KDM4C: variants seen among roughly 807,000 people sequenced by gnomAD.
KDM4C encodes lysine-specific demethylase 4C.
A neutral mutation model predicts 129.3 loss-of-function variants in KDM4C; 81 were observed. The observed-to-expected ratio is 0.63, with a 90% CI of 0.52 to 0.75. The LOEUF is 0.75. Ranked by LOEUF, KDM4C falls within the 30% of genes least tolerant of loss-of-function variation. The probability of loss-of-function intolerance (pLI) is 0.00; values close to 1 mark genes in which losing one functional copy is unlikely to be tolerated. For missense variants in KDM4C, 1,457 were observed against 1,304.0 expected (o/e 1.12, Z -1.81); for synonymous variants, 573 against 456.1 (o/e 1.26, Z -3.26).
chr9:6,796,308 G>C (rs572824813), intron 2 of KDM4C, among the ~76,000 whole-genome samples: 1 of 152,294 alleles, frequency 6.6e-6, no homozygotes, highest in Non-Finnish European at 1.5e-5. Context: ...AGCCGGGCTT[G>C]GAGGTGGGCG....
intron 2 of KDM4C, among the ~76,000 whole-genome samples, chr9:6,805,184 C>T (rs773353163): frequency 6.6e-6 from 1 of 152,326 alleles, no homozygotes; most frequent in Non-Finnish European, 1.5e-5. Flanking sequence ...CAGGTGTGTG[C>T]CACTGCGCCC....
At chr9:7,133,851 C>T (rs1246561073) in intron 19 of KDM4C, among the ~76,000 whole-genome samples, 1 of 152,154 alleles carries the variant, frequency 6.6e-6, no homozygotes, top group Admixed American at 6.5e-5. Context: ...GAGTTGTTCC[C>T]AGAAACGTTC....
chr9:7,166,458 ATGTGTGTC>A (rs991190943), intron 20 of KDM4C, among the ~76,000 whole-genome samples: 2 of 20,500 alleles, frequency 9.8e-5, no homozygotes, highest in Admixed American at 3.6e-4. Flanking sequence ...GTATGTGTGT[ATGTGTGTC>A]TGTGTGTGTA....
At chr9:6,806,252 T>G (rs867793321) in intron 3 of KDM4C, among the ~76,000 whole-genome samples, 1 of 152,148 alleles carries the variant, frequency 6.6e-6, no homozygotes, top group Non-Finnish European at 1.5e-5. Context: ...CCCAGTACTT[T>G]GGGAGGCCAA....
chr9:6,723,268 G>A lies in KDM4C; in HGVS notation c.49+2271G>A, dbSNP rs1205191296. Among the ~76,000 whole-genome samples, 37 of 151,988 alleles carry A rather than the reference G, an allele frequency of 2.4e-4. 1 individual carries two copies. Among genetic ancestry groups the A allele is most frequent in the Admixed American group, 2.4e-3 (37 of 15,242 alleles). ...TGGGCGACTGTAATCCCAGCTACTC[G>A]GGAGGCTGAGGTATGAGAATTCCTT... On this transcript the variant is annotated intron_variant, in intron 1 of 17. Transcript: ENST00000536108.
chr9:6,765,897 C>A (rs181378503), intron 1 of KDM4C, among the ~76,000 whole-genome samples: 33 of 152,030 alleles, frequency 2.2e-4, no homozygotes, highest in African/African-American at 7.7e-4. Context: ...CAAGCTATTC[C>A]CCTGCCTCAG....
intron 1 of KDM4C, among the ~76,000 whole-genome samples, chr9:6,760,445 G>GTGTATATATATATATATA (rs139577101): frequency 3.9e-4 from 56 of 142,528 alleles, no homozygotes; most frequent in African/African-American, 1.4e-3. Context: ...CTACTCTTGG[G>GTGTATATATATATATATA]TATATATATA....
intron 1 of KDM4C, among the ~76,000 whole-genome samples, chr9:6,778,208 A>G (rs553234986): frequency 1.3e-5 from 2 of 151,058 alleles, no homozygotes; most frequent in South Asian, 4.2e-4. Context: ...TCCTGCCTCA[A>G]CCTTCTGAGT....
intron 19 of KDM4C, among the ~76,000 whole-genome samples, chr9:7,131,588 G>T (rs1466914223): frequency 6.6e-6 from 1 of 152,138 alleles, no homozygotes; most frequent in Admixed American, 6.5e-5. Context: ...AAAGTGCTGG[G>T]ATTACAGGCA....
At chr9:7,028,760 C>T (rs796621490) in intron 15 of KDM4C, among the ~76,000 whole-genome samples, 12 of 152,196 alleles carry the variant, frequency 7.9e-5, no homozygotes, top group African/African-American at 2.4e-4. Flanking sequence ...TGTGATCTCC[C>T]TCTGACGTGG....
intron 12 of KDM4C, among the ~76,000 whole-genome samples, chr9:7,010,571 G>T (rs1822502114): frequency 6.6e-6 from 1 of 152,210 alleles, no homozygotes; most frequent in Admixed American, 6.5e-5. Context: ...TACTTATGCA[G>T]ATATTTAGAA....
At chr9:6,798,263 T>C (rs1455820682) in intron 2 of KDM4C, among the ~76,000 whole-genome samples, 2 of 152,056 alleles carry the variant, frequency 1.3e-5, no homozygotes, top group East Asian at 3.9e-4. Flanking sequence ...TTTCTTTTTT[T>C]TTTTTTTATT....
intron 5 of KDM4C, among the ~76,000 whole-genome samples, chr9:6,864,050 G>A (rs575063401): frequency 6.6e-6 from 1 of 152,310 alleles, no homozygotes; most frequent in South Asian, 2.1e-4. Flanking sequence ...CAGTAATAGA[G>A]TATTCTGAAT....
intron 19 of KDM4C, among the ~76,000 whole-genome samples, chr9:7,141,394 T>G (rs1841728715): frequency 6.6e-6 from 1 of 152,200 alleles, no homozygotes; most frequent in Admixed American, 6.5e-5. Context: ...TAAGGTGGGT[T>G]GGACAAGCTT....
chr9:6,793,187 G>T (rs1216250307), intron 2 of KDM4C, 55 bp downstream of exon 2: 1 of 1,570,482 alleles, frequency 6.4e-7, no homozygotes, highest in Non-Finnish European at 8.7e-7. Context: ...TTTAATTTAT[G>T]TTCTTAGTTT....
chr9:7,041,367 A>G (rs1459663041), intron 15 of KDM4C, among the ~76,000 whole-genome samples: 1 of 151,958 alleles, frequency 6.6e-6, no homozygotes, highest in Non-Finnish European at 1.5e-5. Context: ...GCATCTCTGG[A>G]TTTTGGTATC....
At position 6,773,264 on chromosome 9, in the gene KDM4C, T is replaced by C. The variant is rs1725670719; in HGVS notation, c.-18+15061T>C. ...CGATCCTCCTGCCTCAGCCTTCCAT[T>C]GTGCTGGAGTTACAGGCTGTGCCCA... On this transcript the variant is annotated intron_variant, in intron 1 of 21. Coordinates refer to ENST00000381309, the MANE Select transcript of KDM4C (RefSeq NM_015061.6). 2.0e-5 allele frequency among the ~76,000 whole-genome samples: 3 copies of C among 152,292 alleles called. No individual in the cohort carries two copies. The South Asian group carries it at 6.2e-4, about 32-fold the overall frequency.
chr9:6,941,871 G>C (rs543213176), intron 8 of KDM4C: 1 of 152,262 alleles, frequency 6.6e-6, no homozygotes, highest in Non-Finnish European at 1.5e-5. Context: ...TCTCTTGTGT[G>C]TGTGTATATG....
intron 5 of KDM4C, among the ~76,000 whole-genome samples, chr9:6,873,916 G>A (rs917247391): frequency 7.1e-6 from 1 of 140,574 alleles, no homozygotes; most frequent in Non-Finnish European, 1.6e-5. Context: ...GAGAGAGAGC[G>A]AGAGAGAGAG....
Sources: gnomAD v4.1 joint callset for allele counts (sites outside exome capture counted in the v4.1 genomes callset) on GRCh38, gnomAD v4.1.1 for gene constraint, MANE v1.5 for transcripts, NCBI Gene and HGNC (gene_info 2026-07-23, HGNC 2026-07-21) for gene names.